Variants in RPS6KC1 observed in about 807,000 individuals in gnomAD.
RPS6KC1 encodes the protein inactive ribosomal protein S6 kinase delta-1.
In RPS6KC1, 54 loss-of-function variants were observed where a neutral mutation model predicts 103.8. The ratio of observed to expected loss-of-function variants is 0.52; its 90% CI spans 0.42 to 0.65. RPS6KC1 has a LOEUF of 0.65. Among genes scored for constraint, RPS6KC1 ranks in the 30% least tolerant of loss-of-function variants. The pLI, the probability that RPS6KC1 is intolerant of heterozygous loss-of-function variation, is 0.00. For missense variants in RPS6KC1, 1,151 were observed against 1,253.8 expected (o/e 0.92, Z 1.24); for synonymous variants, 439 against 438.7 (o/e 1.00, Z -0.01).
At chr1:213,528,458 G>C in the RPS6KC1 span, among the ~76,000 whole-genome samples, 2 of 152,118 alleles carry the variant, frequency 1.3e-5, no homozygotes, top group African/African-American at 2.4e-5. Context: ...TGAGATTTGG[G>C]TGGGGACACA....
the RPS6KC1 span, among the ~76,000 whole-genome samples, chr1:213,513,120 G>A: frequency 2.6e-5 from 4 of 152,200 alleles, no homozygotes; most frequent in Non-Finnish European, 5.9e-5. Flanking sequence ...GGAGGCAGAA[G>A]AGGAGGTCAG....
At chr1:213,113,416 T>G (rs1176032918) in intron 4 of RPS6KC1, among the ~76,000 whole-genome samples, 1 of 151,920 alleles carries the variant, frequency 6.6e-6, no homozygotes, top group Non-Finnish European at 1.5e-5. Flanking sequence ...GGTTGTTTTT[T>G]TCTTGTAAAT....
intron 12 of RPS6KC1, among the ~76,000 whole-genome samples, chr1:213,256,800 TA>T (rs2094655290): frequency 6.6e-6 from 1 of 152,132 alleles, no homozygotes; most frequent in Non-Finnish European, 1.5e-5. Context: ...CAAAGCAGCA[TA>T]AAGCCTACTT....
the RPS6KC1 span, among the ~76,000 whole-genome samples, chr1:213,358,520 C>T: frequency 6.6e-6 from 1 of 152,128 alleles, no homozygotes; most frequent in African/African-American, 2.4e-5. Flanking sequence ...TGATTCTTCT[C>T]TCTTTTCTTC....
chr1:213,359,652 C>T, the RPS6KC1 span, among the ~76,000 whole-genome samples: 20 of 82,724 alleles, frequency 2.4e-4, no homozygotes, highest in South Asian at 2.9e-3. Flanking sequence ...TTCCTAGCAT[C>T]GATGGTCTTT....
At chr1:213,058,125 G>A (rs2077509425) in intron 1 of RPS6KC1, among the ~76,000 whole-genome samples, 2 of 140,218 alleles carry the variant, frequency 1.4e-5, no homozygotes, top group South Asian at 4.6e-4. Flanking sequence ...CTGGAATGCA[G>A]TGCTTATTCG....
At chr1:213,155,197 T>G (rs575234973) in intron 6 of RPS6KC1, among the ~76,000 whole-genome samples, 1 of 152,148 alleles carries the variant, frequency 6.6e-6, no homozygotes, top group African/African-American at 2.4e-5. Flanking sequence ...TTTGGAGCTA[T>G]GAGCTGTGCA....
intron 8 of RPS6KC1, among the ~76,000 whole-genome samples, chr1:213,192,466 A>G (rs2092783677): frequency 6.6e-6 from 1 of 152,076 alleles, no homozygotes; most frequent in African/African-American, 2.4e-5. Context: ...TGTTCTTTAA[A>G]TGTTTGGGAT....
intron 6 of RPS6KC1, among the ~76,000 whole-genome samples, chr1:213,140,226 G>C (rs2086849227): frequency 6.6e-6 from 1 of 152,100 alleles, no homozygotes; most frequent in South Asian, 2.1e-4. Context: ...TTGTTCATAA[G>C]ATCTGGGAGC....
chr1:213,714,984 A>G, the RPS6KC1 span, among the ~76,000 whole-genome samples: 1 of 152,206 alleles, frequency 6.6e-6, no homozygotes, highest in African/African-American at 2.4e-5. Context: ...GGGGCCAATC[A>G]AAGTCAGCAG....
the RPS6KC1 span, among the ~76,000 whole-genome samples, chr1:213,408,362 C>T: frequency 1.4e-4 from 21 of 152,208 alleles, no homozygotes; most frequent in Non-Finnish European, 2.5e-4. Flanking sequence ...TCTCATCTTC[C>T]AGGGTGTGGG....
chr1:213,098,867 G>C (rs1371455252), intron 3 of RPS6KC1, among the ~76,000 whole-genome samples: 2 of 152,170 alleles, frequency 1.3e-5, no homozygotes, highest in Admixed American at 1.3e-4. Context: ...CAGTATCTGT[G>C]AAGAGCAGTA....
At chr1:213,566,119 C>G in the RPS6KC1 span, among the ~76,000 whole-genome samples, 1 of 152,034 alleles carries the variant, frequency 6.6e-6, no homozygotes, top group South Asian at 2.1e-4. Context: ...TGTGATAAAG[C>G]AAATACAATG....
the RPS6KC1 span, among the ~76,000 whole-genome samples, chr1:213,442,217 G>A: frequency 1.3e-5 from 2 of 152,182 alleles, no homozygotes; most frequent in Non-Finnish European, 2.9e-5. Flanking sequence ...TCCAATTATG[G>A]TATTTGTTCC....
chr1:213,697,330 A>G, the RPS6KC1 span, among the ~76,000 whole-genome samples: 5 of 152,350 alleles, frequency 3.3e-5, no homozygotes, highest in Middle Eastern at 3.4e-3. Flanking sequence ...GCATTACTGC[A>G]CTGGTCCCTG....
the RPS6KC1 span, among the ~76,000 whole-genome samples, chr1:213,768,875 T>C: frequency 1.3e-5 from 2 of 152,208 alleles, no homozygotes; most frequent in East Asian, 3.9e-4. Context: ...AGCCATTTCA[T>C]ATCTTTAATT....
the RPS6KC1 span, among the ~76,000 whole-genome samples, chr1:213,349,339 GC>G: frequency 1.3e-5 from 2 of 152,078 alleles, no homozygotes; most frequent in East Asian, 3.9e-4. Flanking sequence ...ACTGGTCACT[GC>G]CAGGGCTGAC....
chr1:213,237,705 A>C (rs1190744576), intron 10 of RPS6KC1, among the ~76,000 whole-genome samples: 3 of 152,096 alleles, frequency 2.0e-5, no homozygotes, highest in African/African-American at 7.2e-5. Context: ...AAAACAATAG[A>C]CTTAAAATCT....
At chr1:213,647,343 G>A in the RPS6KC1 span, among the ~76,000 whole-genome samples, 1 of 152,134 alleles carries the variant, frequency 6.6e-6, no homozygotes, top group Non-Finnish European at 1.5e-5. Context: ...ACACCAACAG[G>A]GAATGGCTAG....
Sources: allele counts gnomAD v4.1 joint callset (sites outside exome capture counted in the v4.1 genomes callset), GRCh38; gene constraint gnomAD v4.1.1; transcripts MANE v1.5; gene names NCBI Gene and HGNC (gene_info 2026-07-23, HGNC 2026-07-21).